The following SLC2A13 variants were observed in gnomAD, a reference collection of about 807,000 sequenced individuals.
SLC2A13 encodes solute carrier family 2 member 13, also known as proton myo-inositol cotransporter.
A neutral mutation model predicts 64.4 loss-of-function variants in SLC2A13; 32 were observed. The observed-to-expected ratio is 0.50, with a 90% CI of 0.37 to 0.67. The LOEUF (loss-of-function observed/expected upper bound fraction) is 0.67. Ranked by LOEUF, SLC2A13 falls within the 30% of genes least tolerant of loss-of-function variation. The pLI is 0.00. For missense variants in SLC2A13, 743 were observed against 829.2 expected, an observed-to-expected ratio of 0.90 and a Z score of 1.28; for synonymous variants, 338 against 327.1, an observed-to-expected ratio of 1.03 and a Z score of -0.36.
intron 3 of SLC2A13, among the ~76,000 whole-genome samples, chr12:40,004,623 T>G (rs1343818891): frequency 1.3e-4 from 19 of 151,846 alleles, no homozygotes; most frequent in Non-Finnish European, 2.9e-5. Context: ...TTTTTTTTTT[T>G]TTTTCACAGT....
At chr12:39,956,777 C>T (rs1320808968) in intron 3 of SLC2A13, among the ~76,000 whole-genome samples, 1 of 151,934 alleles carries the variant, frequency 6.6e-6, no homozygotes, top group African/African-American at 2.4e-5. Flanking sequence ...ATGAGTTTTA[C>T]CTTGTATTAA....
At chr12:40,092,751 T>G (rs1321207465) in intron 1 of SLC2A13, among the ~76,000 whole-genome samples, 3 of 152,174 alleles carry the variant, frequency 2.0e-5, no homozygotes, top group African/African-American at 7.2e-5. Flanking sequence ...GGAGAAAGAC[T>G]CACTAAAGTT....
At chr12:39,792,799 T>C (rs1941448391) in intron 7 of SLC2A13, among the ~76,000 whole-genome samples, 2 of 27,908 alleles carry the variant, frequency 7.2e-5, no homozygotes, top group East Asian at 3.1e-3. Context: ...TGGCTGTATT[T>C]AATGAAAAAA....
rs1382527298 is a variant in SLC2A13, at chr12:39,826,455, GT to G, written c.1445+3647del. Among the ~76,000 whole-genome samples the G allele has an allele frequency of 4.4e-4, 61 of 137,382 alleles. 1 individual carries two copies. The highest frequency in any genetic ancestry group is 6.3e-4 in the East Asian group (3 of 4,744). 90.1% of individuals were successfully genotyped at this position (137,382 alleles called of 152,430 possible). On this transcript the variant is annotated intron_variant, in intron 7 of 9. Coordinates refer to ENST00000280871, the MANE Select transcript of SLC2A13 (RefSeq NM_052885.4). ...TTATATTTAGATGTAATTTTTCTGG[GT>G]TTTTTTTTTTGCCCCTTCTTCTCTT...
At chr12:39,846,302 C>T (rs1334634226) in intron 6 of SLC2A13, among the ~76,000 whole-genome samples, 4 of 152,102 alleles carry the variant, frequency 2.6e-5, no homozygotes, top group African/African-American at 7.2e-5. Flanking sequence ...ATTACACCCT[C>T]CCTTGGACAA....
At chr12:40,030,214 A>G (rs760191463) in intron 2 of SLC2A13, among the ~76,000 whole-genome samples, 5 of 152,146 alleles carry the variant, frequency 3.3e-5, no homozygotes, top group Admixed American at 1.3e-4. Flanking sequence ...CAACCAAACC[A>G]TTCATTATTC....
intron 4 of SLC2A13, among the ~76,000 whole-genome samples, chr12:39,927,526 C>T (rs1414435973): frequency 6.6e-6 from 1 of 152,070 alleles, no homozygotes; most frequent in Admixed American, 6.5e-5. Context: ...ATGTTTAATA[C>T]TCCAAATTGC....
chr12:39,796,764 A>G (rs1275695867), intron 7 of SLC2A13, among the ~76,000 whole-genome samples: 1 of 152,196 alleles, frequency 6.6e-6, no homozygotes, highest in African/African-American at 2.4e-5. Context: ...GCCAACTAAC[A>G]ATAAGAATGT....
chr12:39,803,981 C>A (rs1315288769), intron 7 of SLC2A13, among the ~76,000 whole-genome samples: 1 of 150,866 alleles, frequency 6.6e-6, no homozygotes, highest in East Asian at 1.9e-4. Flanking sequence ...TCAAAGCATC[C>A]AAAGAAAAGA....
At chr12:39,794,123 CAAAAAAAAAAAAAAA>C (rs36179669) in intron 7 of SLC2A13, among the ~76,000 whole-genome samples, 3 of 78,372 alleles carry the variant, frequency 3.8e-5, no homozygotes, top group African/African-American at 1.0e-4. Flanking sequence ...GGCCAAATTG[CAAAAAAAAAAAAAAA>C]AAAAAAAAAA....
At chr12:40,021,951 AG>A (rs1414987706) in intron 3 of SLC2A13, among the ~76,000 whole-genome samples, 1 of 152,158 alleles carries the variant, frequency 6.6e-6, no homozygotes, top group Non-Finnish European at 1.5e-5. Flanking sequence ...ATTTGCTGAA[AG>A]GGCCACAGTC....
chr12:39,913,522 A>T (rs1412988051), intron 4 of SLC2A13, among the ~76,000 whole-genome samples: 1 of 151,866 alleles, frequency 6.6e-6, no homozygotes, highest in Non-Finnish European at 1.5e-5. Flanking sequence ...AAAAAAAAAA[A>T]ATCTAGCATT....
intron 6 of SLC2A13, among the ~76,000 whole-genome samples, chr12:39,832,971 G>A (rs1942897914): frequency 6.6e-6 from 1 of 152,046 alleles, no homozygotes; most frequent in African/African-American, 2.4e-5. Context: ...CAAAAATCCT[G>A]ATCTAGATGG....
At chr12:39,865,056 T>C (rs1943871536) in intron 5 of SLC2A13, among the ~76,000 whole-genome samples, 174 bp from the exon 6 acceptor site, 1 of 152,184 alleles carries the variant, frequency 6.6e-6, no homozygotes, top group South Asian at 2.1e-4. Flanking sequence ...TATAAACAAA[T>C]TATCAGAACT....
chr12:39,974,212 C>A (rs1946723039), intron 3 of SLC2A13, among the ~76,000 whole-genome samples: 1 of 152,146 alleles, frequency 6.6e-6, no homozygotes, highest in African/African-American at 2.4e-5. Context: ...TTATGCAGAT[C>A]CCAGAACTGA....
At chr12:39,941,651 T>C (rs1946029185) in intron 4 of SLC2A13, among the ~76,000 whole-genome samples, 1 of 152,238 alleles carries the variant, frequency 6.6e-6, no homozygotes, top group Non-Finnish European at 1.5e-5. Flanking sequence ...GAGTTCATTG[T>C]GGATTCTGGA....
chr12:39,864,440 T>A (rs1341076271), intron 6 of SLC2A13, among the ~76,000 whole-genome samples: 1 of 152,246 alleles, frequency 6.6e-6, no homozygotes, highest in Non-Finnish European at 1.5e-5. Context: ...CAGAGGTGAC[T>A]GAATTGTATA....
At chr12:40,042,388 C>A (rs1948103319) in intron 2 of SLC2A13, among the ~76,000 whole-genome samples, 1 of 152,010 alleles carries the variant, frequency 6.6e-6, no homozygotes, top group Non-Finnish European at 1.5e-5. Context: ...ATTTGAAAAT[C>A]AGCATTACCA....
intron 2 of SLC2A13, among the ~76,000 whole-genome samples, chr12:40,030,074 C>T (rs771471634): frequency 6.6e-6 from 1 of 152,170 alleles, no homozygotes; most frequent in Non-Finnish European, 1.5e-5. Flanking sequence ...ACATAAGCAC[C>T]TGTATATCTA....
Sources: gnomAD v4.1 joint callset for allele counts (sites outside exome capture counted in the v4.1 genomes callset) on GRCh38, gnomAD v4.1.1 for gene constraint, MANE v1.5 for transcripts, NCBI Gene and HGNC (gene_info 2026-07-23, HGNC 2026-07-21) for gene names.